DACT3: variants seen among roughly 807,000 people sequenced by gnomAD.
The protein encoded by DACT3 is dishevelled binding antagonist of beta catenin 3.
DACT3 carries 5 observed loss-of-function variants against 19.6 expected under a neutral mutation model. The ratio of observed to expected loss-of-function variants is 0.26; its 90% CI spans 0.13 to 0.54. The LOEUF is 0.54. Ranked by LOEUF, DACT3 falls within the 20% of genes least tolerant of loss-of-function variation. The pLI, the probability that DACT3 is intolerant of heterozygous loss-of-function variation, is 0.95. For missense variants in DACT3, 908 were observed against 927.4 expected, an observed-to-expected ratio of 0.98 and a Z score of 0.27; for synonymous variants, 454 against 428.1, an observed-to-expected ratio of 1.06 and a Z score of -0.75.
intron 3 of DACT3, 123 bp from the exon 4 acceptor site, chr19:46,649,995 G>T: frequency 1.8e-6 from 2 of 1,126,008 alleles, no homozygotes; most frequent in Non-Finnish European, 2.3e-6. Context: ...CCTCATCGCA[G>T]CAAAAACCCT....
rs962309470 is a variant in DACT3, at chr19:46,649,462, C to G, written c.910G>C (p.Glu304Gln). The G allele has an allele frequency of 5.1e-6, 6 of 1,184,712 alleles. No individual in the cohort carries two copies. The African/African-American group carries it at 9.8e-5, about 19-fold the overall frequency. The allele number at this position is 1,184,712 out of a possible 1,614,324, so 73.4% of individuals were successfully genotyped here. ...PSPGSARPAREPSLERVGGHP... is the reference protein window; with the variant it reads ...PSPGSARPARQPSLERVGGHP... Reference sequence around the variant, plus strand: ...CCCCCGACGCGCTCCAACGAGGGCTCCCGCGCGGGTCGCGCGCTGCCGGGG... The same window carrying G: ...CCCCCGACGCGCTCCAACGAGGGCTGCCGCGCGGGTCGCGCGCTGCCGGGG... The change falls in exon 4 of 4, where the codon GAG becomes CAG. Residue 304 changes from glutamate to glutamine, a missense_variant. By Grantham distance (29) the Glu-to-Gln change is conservative. Transcript: ENST00000391916.
intron 3 of DACT3, 142 bp from the exon 4 acceptor site, chr19:46,650,014 A>C: frequency 1.1e-6 from 1 of 929,546 alleles, no homozygotes; most frequent in Non-Finnish European, 1.4e-6. Context: ...CTGCTCTCAC[A>C]CCTTCCTTCT....
chr19:46,655,799 G>A (rs1568698724), intron 1 of DACT3, among the ~76,000 whole-genome samples: 1 of 151,832 alleles, frequency 6.6e-6, no homozygotes, highest in Non-Finnish European at 1.5e-5. Flanking sequence ...GGCTGGGTGT[G>A]GTGGCTTATG....
Position 46,648,865 on chromosome 19 carries a change from C to G in DACT3, c.1507G>C (p.Gly503Arg), listed in dbSNP as rs1471313606. Reference protein sequence around the residue: ...RAPAARVPGPGPSPSAPQRRL... With the variant: ...RAPAARVPGPRPSPSAPQRRL... ...CGCTGGGGAGCTGACGGGGACGGGC[C>G]GGGGCCGGGAACACGCGCCGCAGGG... is the stretch of plus-strand genomic sequence containing the variant. The change falls in exon 4 of 4, where the codon GGC (glycine) becomes CGC (arginine). Residue 503 changes from glycine to arginine, a missense_variant. By Grantham distance (125) the Gly-to-Arg change is moderately radical. Transcript: ENST00000391916. The surrounding 1 kb of genome is among the most constrained non-coding windows in gnomAD (Gnocchi z 5.1). 1.4e-6 allele frequency: 2 copies of G among 1,426,582 alleles called. No individual in the cohort carries two copies. Among genetic ancestry groups the G allele is most frequent in the Non-Finnish European group, 9.1e-7 (1 of 1,101,572 alleles). The allele number at this position is 1,426,582 out of a possible 1,614,324, so 88.4% of individuals were successfully genotyped here.
intron 1 of DACT3, among the ~76,000 whole-genome samples, chr19:46,659,813 G>T (rs1660629644): frequency 6.6e-6 from 1 of 152,134 alleles, no homozygotes; most frequent in Non-Finnish European, 1.5e-5. Flanking sequence ...CTGGGGGGAG[G>T]GGAAGACAGA....
chr19:46,653,067 C>A lies in DACT3; in HGVS notation c.258G>T (p.Leu86=), dbSNP rs377403701. 8 of 1,551,368 alleles carry A rather than the reference C, an allele frequency of 5.2e-6. No homozygotes were observed. The highest frequency in any genetic ancestry group is 7.0e-6 in the Non-Finnish European group (8 of 1,146,992). ...AAALEEQLEA[L]PGLVWDLGQQ... is the part of the protein sequence containing the mutation. ...GTCCCAGGTCCCAGACGAGACCAGG[C>A]AGGGCCTCCTGAAGGCATAGGGAGA... is the stretch of plus-strand genomic sequence containing the variant. Residue 86 remains leucine, a synonymous_variant, in exon 2 of 4, where the codon CTG becomes CTT. Coordinates refer to ENST00000391916, the MANE Select transcript of DACT3 (RefSeq NM_145056.3).
Position 46,649,784 on chromosome 19 carries a change from C to G in DACT3, c.588G>C (p.Gly196=). Reference sequence around the variant, plus strand: ...AGGAGCAGGCCTCCGGGCCGGCGGACCCCCCTGCCGTCGGGTAGGGCGCTG... The same window carrying G: ...AGGAGCAGGCCTCCGGGCCGGCGGAGCCCCCTGCCGTCGGGTAGGGCGCTG... ...SFSAPYPTAG[G]SAGPEACSSA... Residue 196 remains glycine, a synonymous_variant, in exon 4 of 4, where the codon GGG becomes GGC. Coordinates refer to ENST00000391916, the MANE Select transcript of DACT3 (RefSeq NM_145056.3). The G allele has an allele frequency of 7.5e-7, 1 of 1,337,162 alleles. No individual in the cohort carries two copies. Among genetic ancestry groups the G allele is most frequent in the Non-Finnish European group, 9.5e-7 (1 of 1,048,046 alleles). The allele number at this position is 1,337,162 out of a possible 1,614,324, so 82.8% of individuals were successfully genotyped here.
chr19:46,649,455 G>A lies in DACT3; in HGVS notation c.917C>T (p.Ser306Leu). 2.5e-6 allele frequency: 3 copies of A among 1,204,316 alleles called. No individual in the cohort carries two copies. Among genetic ancestry groups the A allele is most frequent in the South Asian group, 2.6e-5 (1 of 38,412 alleles). 74.6% of individuals were successfully genotyped at this position (1,204,316 alleles called of 1,614,324 possible). The change falls in exon 4 of 4, where the codon TCG becomes TTG. Residue 306 changes from serine (S) to leucine (L), a missense_variant. Around this residue, in one of 2 missense-constraint regions of DACT3, gnomAD observed 656 missense variants for 601.8 expected, o/e 1.09. Transcript: ENST00000391916. ...PGSARPAREP[S>L]LERVGGHPTS... is the part of the protein sequence containing the mutation. ...GGGGTGGCCCCCGACGCGCTCCAAC[G>A]AGGGCTCCCGCGCGGGTCGCGCGCT...
chr19:46,652,003 CCT>C (rs1309626736), intron 3 of DACT3: 1 of 152,034 alleles, frequency 6.6e-6, no homozygotes, highest in Non-Finnish European at 1.5e-5. Context: ...AAGCAATTCT[CCT>C]GTTTCAGTCT....
rs1484636449 is a variant in DACT3, at chr19:46,648,965, G to T, written c.1407C>A (p.Ala469=). Reference sequence around the variant, plus strand: ...AGCGCCAGCGACGGCAGGACCCTGCGGCCTGGGCCGCCAGCGTGGGCGCTG... The same window carrying T: ...AGCGCCAGCGACGGCAGGACCCTGCTGCCTGGGCCGCCAGCGTGGGCGCTG... ...RGPAPTLAAQ[A]AGSCRRWRST... is the part of the protein sequence containing the mutation. Residue 469 remains alanine, a synonymous_variant, in exon 4 of 4, where the codon GCC becomes GCA. Coordinates refer to ENST00000391916, the MANE Select transcript of DACT3 (RefSeq NM_145056.3). This position sits in a 1 kb window ranked among gnomAD's most constrained non-coding sequence, Gnocchi z 5.1. The T allele has an allele frequency of 7.7e-7, 1 of 1,296,904 alleles. No homozygotes were observed. The highest frequency in any genetic ancestry group is 3.2e-5 in the East Asian group (1 of 31,114). 80.3% of individuals were successfully genotyped at this position (1,296,904 alleles called of 1,614,324 possible).
chr19:46,660,844 C>G lies in DACT3; in HGVS notation c.221G>C (p.Arg74Pro). 6.6e-7 allele frequency: 1 copy of G among 1,518,936 alleles called. No homozygotes were observed. The highest frequency in any genetic ancestry group is 8.8e-7 in the Non-Finnish European group (1 of 1,139,176). 94.1% of individuals were successfully genotyped at this position (1,518,936 alleles called of 1,614,324 possible). Residue 74 changes from arginine (R) to proline (P), a missense_variant, in exon 1 of 4, where the codon CGG becomes CCG. Physicochemically the swap from Arg to Pro is moderately radical, Grantham distance 103. This residue lies in a region of DACT3 where 252 missense variants were observed against 325.6 expected (regional missense o/e 0.77). Coordinates refer to ENST00000391916, the MANE Select transcript of DACT3 (RefSeq NM_145056.3). The surrounding 1 kb of genome is among the most constrained non-coding windows in gnomAD (Gnocchi z 4.9). ...DEDEDAAAAR[R>P]AAAALEEQLE... Reference sequence around the variant, plus strand: ...CTGCTCCTCCAGGGCCGCTGCGGCCCGGCGCGCCGCCGCCGCATCTTCATC... The same window carrying G: ...CTGCTCCTCCAGGGCCGCTGCGGCCGGGCGCGCCGCCGCCGCATCTTCATC...
In DACT3 at chr19:46,648,388, C is replaced by A; in HGVS notation, c.*94G>T. On this transcript the variant is annotated 3_prime_UTR_variant, in exon 4 of 4. Transcript: ENST00000391916. The surrounding 1 kb of genome is among the most constrained non-coding windows in gnomAD (Gnocchi z 5.1). ...GGGGGGTCTTTGGAAGCAGAGAAAA[C>A]GATGGTCTTTGGAAGGTAGATGTGG... The A allele has an allele frequency of 3.8e-6, 6 of 1,583,050 alleles. No individual in the cohort carries two copies. Among genetic ancestry groups the A allele is most frequent in the Non-Finnish European group, 5.2e-6 (6 of 1,163,152 alleles).
At chr19:46,659,434 C>G (rs943678756) in intron 1 of DACT3, 17 of 983,282 alleles carry the variant, frequency 1.7e-5, no homozygotes, top group Non-Finnish European at 1.8e-5. Context: ...CCTCATGCCT[C>G]GCATTCTCCT....
intron 3 of DACT3, 187 bp from the exon 4 acceptor site, chr19:46,650,059 A>G (rs2052967810): frequency 3.4e-6 from 2 of 580,790 alleles, no homozygotes; most frequent in African/African-American, 2.0e-5. Context: ...ACAGGGTCCT[A>G]CAAGACCCTG....
Position 46,648,879 on chromosome 19 carries a change from C to T in DACT3, c.1493G>A (p.Arg498His). Residue 498 changes from arginine (R) to histidine (H), a missense_variant, in exon 4 of 4, where the codon CGT becomes CAT. Transcript: ENST00000391916. This position sits in a 1 kb window ranked among gnomAD's most constrained non-coding sequence, Gnocchi z 5.1. Reference protein sequence around the residue: ...RRVRPRAPAARVPGPGPSPSA... With the variant: ...RRVRPRAPAAHVPGPGPSPSA... ...CGGGGACGGGCCGGGGCCGGGAACA[C>T]GCGCCGCAGGGGCTCGGGGCCGCAC... is the stretch of plus-strand genomic sequence containing the variant. 2 of 1,408,452 alleles carry T rather than the reference C, an allele frequency of 1.4e-6. No homozygotes were observed. Among genetic ancestry groups the T allele is most frequent in the East Asian group, 2.9e-5 (1 of 34,554 alleles). 87.2% of individuals were successfully genotyped at this position (1,408,452 alleles called of 1,614,324 possible).
intron 1 of DACT3, among the ~76,000 whole-genome samples, chr19:46,653,895 C>T (rs1455343683): frequency 1.3e-5 from 2 of 152,116 alleles, no homozygotes; most frequent in Non-Finnish European, 2.9e-5. Flanking sequence ...CGCCCATTGC[C>T]CCTTATCACC....
intron 3 of DACT3, 53 bp from the exon 4 acceptor site, chr19:46,649,925 A>G: frequency 7.6e-7 from 1 of 1,315,380 alleles, no homozygotes; most frequent in Non-Finnish European, 9.7e-7. Flanking sequence ...AGGGGCTCTC[A>G]AAGTCCTTTC....
rs1174347648 is a variant in DACT3 at position 46,655,923 on chromosome 19, CTCTATA to C, written c.250-2854_250-2849del. ...CCAGTCTCTCTCTCTCTCTCTCTCT[CTCTATA>C]TATATATATATATATATACACAAAC... On this transcript the variant is annotated intron_variant, in intron 1 of 3. Coordinates refer to ENST00000391916, the MANE Select transcript of DACT3 (RefSeq NM_145056.3). 3.1e-3 allele frequency among the ~76,000 whole-genome samples: 335 copies of C among 109,680 alleles called. 1 individual carries two copies. The highest frequency in any genetic ancestry group is 0.017 in the South Asian group (58 of 3,504). 72.0% of individuals were successfully genotyped at this position (109,680 alleles called of 152,430 possible).
chr19:46,654,109 A>G, intron 1 of DACT3: 8 of 985,350 alleles, frequency 8.1e-6, no homozygotes, highest in Non-Finnish European at 9.6e-6. Context: ...CCTTTGCCCT[A>G]GAGACCACAT....
Sources: allele counts gnomAD v4.1 joint callset (sites outside exome capture counted in the v4.1 genomes callset), GRCh38; gene constraint gnomAD v4.1.1; regional missense constraint gnomAD v4.1.1; non-coding constraint Gnocchi (gnomAD v3.1); transcripts MANE v1.5; gene names NCBI Gene and HGNC (gene_info 2026-07-23, HGNC 2026-07-21).